The following GALNTL6 variants were observed in gnomAD, a reference collection of about 807,000 sequenced individuals.
GALNTL6 encodes the protein polypeptide N-acetylgalactosaminyltransferase like 6.
A neutral mutation model predicts 73.7 loss-of-function variants in GALNTL6; 46 were observed. That is an observed-to-expected ratio of 0.62 (90% CI 0.49 to 0.80). The LOEUF is 0.80. Ranked by LOEUF, GALNTL6 falls within the 30% of genes least tolerant of loss-of-function variation. GALNTL6 has a pLI of 0.00. For synonymous variants in GALNTL6, 259 were observed against 263.7 expected, an observed-to-expected ratio of 0.98 and a Z score of 0.17; for missense variants, 604 against 755.0, an observed-to-expected ratio of 0.80 and a Z score of 2.34.
intron 5 of GALNTL6, among the ~76,000 whole-genome samples, chr4:172,407,601 A>G (rs1386297541): frequency 6.6e-6 from 1 of 152,096 alleles, no homozygotes; most frequent in Non-Finnish European, 1.5e-5. Context: ...AGGATCAATC[A>G]TTGTATAATG....
chr4:172,542,383 T>G (rs1735590066), intron 5 of GALNTL6, among the ~76,000 whole-genome samples: 1 of 152,144 alleles, frequency 6.6e-6, no homozygotes, highest in African/African-American at 2.4e-5. Context: ...CCAGCTTGCT[T>G]GTCTGTCTGC....
chr4:172,351,183 C>CTGTCTGTCTGTCTATA, intron 5 of GALNTL6, among the ~76,000 whole-genome samples: 1 of 131,440 alleles, frequency 7.6e-6, no homozygotes, highest in Non-Finnish European at 1.6e-5. Flanking sequence ...AATAATCTGT[C>CTGTCTGTCTGTCTATA]TATCTATCTA....
intron 5 of GALNTL6, among the ~76,000 whole-genome samples, chr4:172,383,611 G>A (rs1490420848): frequency 1.3e-5 from 2 of 152,190 alleles, no homozygotes; most frequent in East Asian, 3.9e-4. Context: ...GTCCTGGTTA[G>A]AATCTACAGG....
At chr4:172,216,647 T>C (rs1490588679) in intron 2 of GALNTL6, among the ~76,000 whole-genome samples, 1 of 152,188 alleles carries the variant, frequency 6.6e-6, no homozygotes. Flanking sequence ...ATATTTTATC[T>C]CTCAGTTTTG....
In GALNTL6 at chr4:171,992,584, A is replaced by T. The variant is rs546949636; in HGVS notation, c.138+177866A>T. 1.8e-4 allele frequency among the ~76,000 whole-genome samples: 27 copies of T among 152,170 alleles called. 1 individual carries two copies. In the South Asian group the frequency reaches 5.6e-3, roughly 32 times the overall value. On this transcript the variant is annotated intron_variant, in intron 2 of 12. Coordinates refer to ENST00000506823, the MANE Select transcript of GALNTL6 (RefSeq NM_001034845.3). Reference sequence around the variant, plus strand: ...TGGGAAAATGAGAAATAGAATTCTGATTCGGTCTGTAATGCAGATTTATTT... The same window carrying T: ...TGGGAAAATGAGAAATAGAATTCTGTTTCGGTCTGTAATGCAGATTTATTT...
chr4:171,960,379 T>C (rs1462576652), intron 2 of GALNTL6, among the ~76,000 whole-genome samples: 1 of 152,096 alleles, frequency 6.6e-6, no homozygotes, highest in Non-Finnish European at 1.5e-5. Flanking sequence ...CAGGTTCAAG[T>C]GATTCTCCTG....
intron 2 of GALNTL6, among the ~76,000 whole-genome samples, chr4:171,995,020 A>G (rs1740446106): frequency 6.6e-6 from 1 of 152,040 alleles, no homozygotes; most frequent in African/African-American, 2.4e-5. Flanking sequence ...CTAGAAATAT[A>G]TACAAAAAAT....
At chr4:172,151,136 C>A (rs963137333) in intron 2 of GALNTL6, among the ~76,000 whole-genome samples, 2 of 152,010 alleles carry the variant, frequency 1.3e-5, no homozygotes, top group Non-Finnish European at 2.9e-5. Flanking sequence ...GGTTACCATT[C>A]TATCTATATA....
rs558696768 is a variant in GALNTL6, at chr4:172,087,789, G to A, written c.139-141867G>A. On this transcript the variant is annotated intron_variant, in intron 2 of 12. Coordinates refer to ENST00000506823, the MANE Select transcript of GALNTL6 (RefSeq NM_001034845.3). The stretch of plus-strand genomic sequence containing the variant: ...AAAAAAAAAAACAGTGGAAATTTAG[G>A]GGCCAGTGAGTTTTTTTATCGTACA... 9.9e-5 allele frequency among the ~76,000 whole-genome samples: 15 copies of A among 151,130 alleles called. No homozygotes were observed. The South Asian group carries it at 3.1e-3, about 32-fold the overall frequency.
At chr4:172,314,889 C>T (rs1489638094) in intron 4 of GALNTL6, among the ~76,000 whole-genome samples, 7 of 152,154 alleles carry the variant, frequency 4.6e-5, no homozygotes, top group Non-Finnish European at 8.8e-5. Context: ...GGATTATAGG[C>T]GTGAGCCACT....
intron 2 of GALNTL6, among the ~76,000 whole-genome samples, chr4:172,033,833 G>A (rs1246282958): frequency 6.6e-6 from 1 of 152,028 alleles, no homozygotes; most frequent in Non-Finnish European, 1.5e-5. Flanking sequence ...CCTTTAGATA[G>A]ACCAAAAGAA....
intron 10 of GALNTL6, among the ~76,000 whole-genome samples, chr4:173,006,387 G>A (rs1752292395): frequency 6.6e-6 from 1 of 152,108 alleles, no homozygotes; most frequent in Admixed American, 6.6e-5. Context: ...GACAGCTTTA[G>A]AAAACCAACA....
intron 5 of GALNTL6, among the ~76,000 whole-genome samples, chr4:172,456,743 G>A (rs1279805310): frequency 6.6e-6 from 1 of 152,140 alleles, no homozygotes; most frequent in African/African-American, 2.4e-5. Flanking sequence ...ACCTGAAAGT[G>A]ACGGGGAGAA....
chr4:171,864,747 C>G (rs1375713210), intron 2 of GALNTL6, among the ~76,000 whole-genome samples: 1 of 152,144 alleles, frequency 6.6e-6, no homozygotes, highest in Non-Finnish European at 1.5e-5. Context: ...GCCACTTCCT[C>G]CTGCTAGAGA....
chr4:172,108,585 A>C (rs1322734928), intron 2 of GALNTL6, among the ~76,000 whole-genome samples: 2 of 152,220 alleles, frequency 1.3e-5, no homozygotes, highest in Non-Finnish European at 2.9e-5. Context: ...TTAAAATGCC[A>C]GTCTCATCCG....
At chr4:172,227,488 T>C (rs987516792) in intron 2 of GALNTL6, among the ~76,000 whole-genome samples, 1 of 152,092 alleles carries the variant, frequency 6.6e-6, no homozygotes, top group African/African-American at 2.4e-5. Context: ...CTTGTTTGAG[T>C]CGAAGAGAGA....
chr4:172,433,358 A>C (rs950786636), intron 5 of GALNTL6, among the ~76,000 whole-genome samples: 2 of 151,978 alleles, frequency 1.3e-5, no homozygotes, highest in Admixed American at 6.6e-5. Flanking sequence ...TTCCACCCTC[A>C]GCCCCCCGCC....
chr4:172,310,628 A>C (rs993409111), intron 3 of GALNTL6, among the ~76,000 whole-genome samples: 13 of 152,166 alleles, frequency 8.5e-5, no homozygotes, highest in African/African-American at 3.1e-4. Context: ...AATAAAAATT[A>C]TATTTATCGC....
intron 2 of GALNTL6, among the ~76,000 whole-genome samples, chr4:171,846,878 T>TTATATACACATAATTATATGTAATTA (rs1560811298): frequency 1.6e-4 from 23 of 140,636 alleles, no homozygotes; most frequent in Admixed American, 1.3e-3. Flanking sequence ...TGTATTTATA[T>TTATATACACATAATTATATGTAATTA]TATATACACA....
Sources: gnomAD v4.1 joint callset for allele counts (sites outside exome capture counted in the v4.1 genomes callset) on GRCh38, gnomAD v4.1.1 for gene constraint, MANE v1.5 for transcripts, NCBI Gene and HGNC (gene_info 2026-07-23, HGNC 2026-07-21) for gene names.